Variants in PRKN observed in about 807,000 individuals in gnomAD.
PRKN encodes the protein parkin RBR E3 ubiquitin protein ligase, also known as E3 ubiquitin-protein ligase parkin.
In PRKN, 56 loss-of-function variants were observed where a neutral mutation model predicts 59.5. The observed-to-expected ratio is 0.94, with a 90% CI of 0.76 to 1.18. The LOEUF (loss-of-function observed/expected upper bound fraction) is 1.18. PRKN is among the 50% of genes most tolerant of loss of function. PRKN has a pLI of 0.00. For synonymous variants in PRKN, 250 were observed against 222.1 expected (o/e 1.13, Z -1.12); for missense variants, 657 against 596.4 (o/e 1.10, Z -1.06).
intron 1 of PRKN, among the ~76,000 whole-genome samples, chr6:162,443,879 G>A (rs944535229): frequency 1.3e-5 from 2 of 150,690 alleles, no homozygotes; most frequent in African/African-American, 4.9e-5. Context: ...AGGAGGCGAT[G>A]TGTTAGCACT....
At position 161,415,668 on chromosome 6, in the gene PRKN, C is replaced by T. The variant is rs148647689; in HGVS notation, c.1084-28791G>A. Among the ~76,000 whole-genome samples the T allele has an allele frequency of 7.7e-3, 1,132 of 146,186 alleles. 8 individuals carry two copies. The highest frequency in any genetic ancestry group is 0.011 in the Non-Finnish European group (738 of 67,228). On this transcript the variant is annotated intron_variant, in intron 9 of 11. Coordinates refer to ENST00000366898, the MANE Select transcript of PRKN (RefSeq NM_004562.3). ...CCACAGCCACCTCCTGCCCTGGTTG[C>T]TGCAATAGTCTAATCTCTCCTGGAG...
chr6:161,918,072 C>A (rs1376354103), intron 6 of PRKN, among the ~76,000 whole-genome samples: 1 of 152,162 alleles, frequency 6.6e-6, no homozygotes. Context: ...ACAAAGAATT[C>A]ATTTCAATTT....
At chr6:161,777,681 ATAAT>A (rs1562676089) in intron 7 of PRKN, among the ~76,000 whole-genome samples, 2 of 143,400 alleles carry the variant, frequency 1.4e-5, no homozygotes, top group African/African-American at 5.2e-5. Context: ...GAATATATAT[ATAAT>A]ATATATATAC....
chr6:161,863,361 T>A (rs530763938), intron 6 of PRKN, among the ~76,000 whole-genome samples: 2 of 151,994 alleles, frequency 1.3e-5, no homozygotes, highest in East Asian at 3.9e-4. Flanking sequence ...TGTGTTGTTG[T>A]GTATACGTTT....
chr6:161,857,738 T>C (rs976856020), intron 6 of PRKN, among the ~76,000 whole-genome samples: 11 of 152,224 alleles, frequency 7.2e-5, no homozygotes, highest in African/African-American at 2.7e-4. Flanking sequence ...TTTCTATACG[T>C]AGCATGATTT....
intron 7 of PRKN, among the ~76,000 whole-genome samples, chr6:161,608,497 T>A (rs1583286322): frequency 6.6e-6 from 1 of 152,114 alleles, no homozygotes; most frequent in South Asian, 2.1e-4. Flanking sequence ...TAGTTAAAAT[T>A]AAAGTAAGAA....
chr6:161,539,335 C>G lies in PRKN; in HGVS notation c.1083+9519G>C, dbSNP rs571906614. ...TTCATTCTCATTAAAAAATGACATTCAGCTACATGGGTATGACAGGAGAGT... is the reference window on the plus strand; with the variant it reads ...TTCATTCTCATTAAAAAATGACATTGAGCTACATGGGTATGACAGGAGAGT... On this transcript the variant is annotated intron_variant, in intron 9 of 11. Transcript: ENST00000366898. Among the ~76,000 whole-genome samples, 3 of 145,900 alleles carry G rather than the reference C, an allele frequency of 2.1e-5. No individual in the cohort carries two copies. In the South Asian group the frequency reaches 6.4e-4, roughly 31 times the overall value.
At chr6:161,493,350 C>A (rs1395032238) in intron 9 of PRKN, among the ~76,000 whole-genome samples, 1 of 152,312 alleles carries the variant, frequency 6.6e-6, no homozygotes, top group Non-Finnish European at 1.5e-5. Flanking sequence ...TTCCATTTGA[C>A]CCATGAGGAC....
chr6:162,277,223 C>T (rs781295872), intron 2 of PRKN, among the ~76,000 whole-genome samples: 9 of 152,110 alleles, frequency 5.9e-5, no homozygotes, highest in Non-Finnish European at 1.3e-4. Flanking sequence ...TATCTGCCCA[C>T]AGATTCCCTA....
chr6:161,618,002 T>C (rs1276703237), intron 7 of PRKN, among the ~76,000 whole-genome samples: 1 of 152,242 alleles, frequency 6.6e-6, no homozygotes, highest in African/African-American at 2.4e-5. Context: ...GTAGAACCAG[T>C]GTATGGGACA....
chr6:161,827,761 G>C (rs1792308425), intron 6 of PRKN, among the ~76,000 whole-genome samples: 1 of 152,074 alleles, frequency 6.6e-6, no homozygotes, highest in Admixed American at 6.6e-5. Context: ...ACCCACCTTG[G>C]CCTCCCAAAG....
At chr6:162,087,828 G>A (rs963043187) in intron 4 of PRKN, among the ~76,000 whole-genome samples, 17 of 152,022 alleles carry the variant, frequency 1.1e-4, no homozygotes, top group African/African-American at 3.1e-4. Context: ...TCGTGACCTC[G>A]TGATCCACCC....
At chr6:162,685,825 T>C (rs1464295247) in intron 1 of PRKN, among the ~76,000 whole-genome samples, 1 of 152,280 alleles carries the variant, frequency 6.6e-6, no homozygotes, top group Non-Finnish European at 1.5e-5. Flanking sequence ...TCCCCTGCCA[T>C]AATTTGCCTT....
At chr6:162,409,920 T>G (rs546497931) in intron 2 of PRKN, among the ~76,000 whole-genome samples, 2 of 152,334 alleles carry the variant, frequency 1.3e-5, no homozygotes, top group South Asian at 4.1e-4. Context: ...ACGGGATATG[T>G]GCAACCATGC....
chr6:161,965,078 C>T (rs993314406), intron 6 of PRKN, among the ~76,000 whole-genome samples: 1 of 152,018 alleles, frequency 6.6e-6, no homozygotes, highest in African/African-American at 2.4e-5. Flanking sequence ...TACCAAAATC[C>T]AGTCAAATTA....
intron 1 of PRKN, among the ~76,000 whole-genome samples, chr6:162,655,781 C>A (rs1353369112): frequency 2.6e-5 from 4 of 152,094 alleles, no homozygotes; most frequent in Admixed American, 6.6e-5. Context: ...GCTTCTGCTA[C>A]CATCTATTTA....
chr6:162,259,197 C>T (rs1006161380), intron 3 of PRKN, among the ~76,000 whole-genome samples: 1 of 152,102 alleles, frequency 6.6e-6, no homozygotes, highest in Non-Finnish European at 1.5e-5. Flanking sequence ...ATGTGAAGTA[C>T]GTAAAGAGGA....
chr6:161,392,190 C>T (rs1162856936), intron 9 of PRKN, among the ~76,000 whole-genome samples: 1 of 151,648 alleles, frequency 6.6e-6, no homozygotes, highest in Non-Finnish European at 1.5e-5. Flanking sequence ...CCTGCCTCGG[C>T]CTCCCAAAGT....
At chr6:161,604,741 C>T (rs889715272) in intron 7 of PRKN, among the ~76,000 whole-genome samples, 1 of 152,146 alleles carries the variant, frequency 6.6e-6, no homozygotes, top group Non-Finnish European at 1.5e-5. Context: ...TCGAGACCAG[C>T]CTTGCTAACA....
Sources: allele counts gnomAD v4.1 joint callset (sites outside exome capture counted in the v4.1 genomes callset), GRCh38; gene constraint gnomAD v4.1.1; transcripts MANE v1.5; gene names NCBI Gene and HGNC (gene_info 2026-07-23, HGNC 2026-07-21).